The following SAMD12 variants were observed in gnomAD, a reference collection of about 807,000 sequenced individuals.
The protein encoded by SAMD12 is sterile alpha motif domain containing 12.
A neutral mutation model predicts 15.0 loss-of-function variants in SAMD12; 9 were observed. The ratio of observed to expected loss-of-function variants is 0.60; its 90% CI spans 0.36 to 1.05. The LOEUF is 1.05. Ranked by LOEUF, SAMD12 falls within the 50% of genes least tolerant of loss-of-function variation. The pLI is 0.01. For missense variants in SAMD12, 230 were observed against 234.2 expected, an observed-to-expected ratio of 0.98 and a Z score of 0.12; for synonymous variants, 86 against 90.1, an observed-to-expected ratio of 0.96 and a Z score of 0.25.
intron 2 of SAMD12, among the ~76,000 whole-genome samples, chr8:118,575,825 T>C (rs1827132671): frequency 6.6e-6 from 1 of 152,198 alleles, no homozygotes; most frequent in African/African-American, 2.4e-5. Context: ...CCCAATGTCA[T>C]GTTTAGGCCA....
intron 2 of SAMD12, among the ~76,000 whole-genome samples, chr8:118,545,030 G>C (rs1056069225): frequency 2.6e-5 from 4 of 152,146 alleles, no homozygotes; most frequent in Non-Finnish European, 5.9e-5. Flanking sequence ...GAACCCTCTA[G>C]GGCAACTGAT....
At chr8:118,416,783 C>T (rs1285382744) in intron 3 of SAMD12, among the ~76,000 whole-genome samples, 1 of 152,222 alleles carries the variant, frequency 6.6e-6, no homozygotes, top group Non-Finnish European at 1.5e-5. Context: ...CAATCCTTAG[C>T]ATCTATATGT....
At chr8:118,150,066 G>C in the SAMD12 span, among the ~76,000 whole-genome samples, 4 of 152,206 alleles carry the variant, frequency 2.6e-5, no homozygotes, top group East Asian at 7.7e-4. Flanking sequence ...ATTTTTTATT[G>C]TTATAACAGA....
rs1817795754 is a variant in SAMD12 at position 118,348,641 on chromosome 8, G to A, written c.433+30919C>T. 2.0e-5 allele frequency among the ~76,000 whole-genome samples: 3 copies of A among 152,132 alleles called. No homozygotes were observed. In the South Asian group the frequency reaches 6.2e-4, roughly 32 times the overall value. Reference sequence around the variant, plus strand: ...CCCACCTCGGCCTCCTGAAGTGCTGGGATTACAGGCGTGAGCCACCGCACC... The same window carrying A: ...CCCACCTCGGCCTCCTGAAGTGCTGAGATTACAGGCGTGAGCCACCGCACC... On this transcript the variant is annotated intron_variant, in intron 4 of 4. Transcript: ENST00000409003.
chr8:118,517,465 G>C (rs1037037529), intron 2 of SAMD12, among the ~76,000 whole-genome samples: 2 of 152,096 alleles, frequency 1.3e-5, no homozygotes, highest in Admixed American at 6.5e-5. Flanking sequence ...AATAGTTCTT[G>C]GTACATAAGT....
At chr8:118,214,437 G>T (rs921047598) in intron 4 of SAMD12, among the ~76,000 whole-genome samples, 1 of 152,172 alleles carries the variant, frequency 6.6e-6, no homozygotes, top group Non-Finnish European at 1.5e-5. Context: ...CATAGTGTGT[G>T]CCCTTGGTAG....
At chr8:118,585,745 C>G (rs1827422806) in intron 1 of SAMD12, among the ~76,000 whole-genome samples, 1 of 152,188 alleles carries the variant, frequency 6.6e-6, no homozygotes, top group African/African-American at 2.4e-5. Flanking sequence ...GCTTGGATTG[C>G]TGATTGCTGG....
the SAMD12 span, among the ~76,000 whole-genome samples, chr8:118,177,965 C>T: frequency 1.3e-4 from 20 of 152,150 alleles, no homozygotes; most frequent in African/African-American, 4.1e-4. Flanking sequence ...CTTGAAACCT[C>T]GCAACCACTG....
chr8:118,247,872 T>C (rs190101978), intron 4 of SAMD12, among the ~76,000 whole-genome samples: 10 of 152,128 alleles, frequency 6.6e-5, no homozygotes, highest in Non-Finnish European at 1.5e-4. Context: ...GGATTAAAAA[T>C]GAAGAAAAGA....
At chr8:118,485,559 T>C (rs1311882845) in intron 2 of SAMD12, among the ~76,000 whole-genome samples, 3 of 152,246 alleles carry the variant, frequency 2.0e-5, no homozygotes, top group Non-Finnish European at 2.9e-5. Flanking sequence ...ATTTGTGCTA[T>C]AGAAGTCAAT....
intron 2 of SAMD12, among the ~76,000 whole-genome samples, chr8:118,500,010 C>G (rs1412365197): frequency 6.6e-6 from 1 of 150,856 alleles, no homozygotes; most frequent in Non-Finnish European, 1.5e-5. Context: ...TGTACGGTCC[C>G]CCCACATACA....
chr8:118,479,136 T>C (rs1183119862), intron 2 of SAMD12, among the ~76,000 whole-genome samples: 4 of 149,062 alleles, frequency 2.7e-5, no homozygotes, highest in Admixed American at 6.6e-5. Context: ...TCTCAGTTTC[T>C]GTCTCTCTGA....
At chr8:118,386,075 AATT>A (rs1819940227) in intron 3 of SAMD12, among the ~76,000 whole-genome samples, 1 of 152,220 alleles carries the variant, frequency 6.6e-6, no homozygotes, top group Non-Finnish European at 1.5e-5. Context: ...GGTGAGGGAT[AATT>A]GAGTCACAGA....
chr8:118,499,737 C>T (rs1466941116), intron 2 of SAMD12, among the ~76,000 whole-genome samples: 1 of 152,098 alleles, frequency 6.6e-6, no homozygotes, highest in African/African-American at 2.4e-5. Flanking sequence ...TAAATCTTGG[C>T]CATAGACTCC....
chr8:118,249,532 C>T (rs1212574431), intron 4 of SAMD12, among the ~76,000 whole-genome samples: 1 of 152,156 alleles, frequency 6.6e-6, no homozygotes, highest in Non-Finnish European at 1.5e-5. Flanking sequence ...ATTTGAAGAG[C>T]TGACTTTATG....
intron 3 of SAMD12, among the ~76,000 whole-genome samples, chr8:118,386,122 A>C (rs1015419597): frequency 2.0e-5 from 3 of 152,192 alleles, no homozygotes; most frequent in Non-Finnish European, 4.4e-5. Context: ...TGCCATAACA[A>C]ACTATCACAA....
At chr8:118,283,672 A>AT (rs749356517) in intron 4 of SAMD12, among the ~76,000 whole-genome samples, 16 of 152,354 alleles carry the variant, frequency 1.1e-4, no homozygotes, top group Non-Finnish European at 1.8e-4. Context: ...GGATCTGGTG[A>AT]TGAGCCTTCT....
intron 3 of SAMD12, among the ~76,000 whole-genome samples, chr8:118,430,882 T>C (rs1822382017): frequency 6.6e-6 from 1 of 152,218 alleles, no homozygotes; most frequent in Non-Finnish European, 1.5e-5. Context: ...GTGTTAAGAC[T>C]ATTCACATTT....
At chr8:118,469,533 A>ATATAT (rs1823721266) in intron 2 of SAMD12, among the ~76,000 whole-genome samples, 1 of 782 alleles carries the variant, frequency 1.3e-3, no homozygotes, top group Non-Finnish European at 2.9e-3. Context: ...ATAATATATT[A>ATATAT]TATATATTAT....
Sources: allele counts gnomAD v4.1 joint callset (sites outside exome capture counted in the v4.1 genomes callset), GRCh38; gene constraint gnomAD v4.1.1; transcripts MANE v1.5; gene names NCBI Gene and HGNC (gene_info 2026-07-23, HGNC 2026-07-21).